Variants in KCNH2 observed in about 807,000 individuals in gnomAD.
KCNH2 encodes the protein voltage-gated inwardly rectifying potassium channel KCNH2.
In KCNH2, 35 loss-of-function variants were observed where a neutral mutation model predicts 95.9. The ratio of observed to expected loss-of-function variants is 0.37; its 90% confidence interval spans 0.28 to 0.48. The LOEUF (loss-of-function observed/expected upper bound fraction) is 0.48, where lower values mean the gene tolerates loss of function less well. Among genes scored for constraint, KCNH2 ranks in the 20% least tolerant of loss-of-function variants. KCNH2 has a pLI of 0.99. For missense variants in KCNH2, 1,274 were observed against 1,702.9 expected (o/e 0.75, Z 4.43); for synonymous variants, 786 against 754.7 (o/e 1.04, Z -0.68).
Position 150,951,853 on chromosome 7 carries a change from G to T in KCNH2, c.1558-18C>A, listed in dbSNP as rs760047606. ...CCGATCAGCTGGGGGACAGGGAAGG[G>T]GCACATTCCGTTGATGGGGCAAGGG... On this transcript the variant is annotated intron_variant, in intron 6 of 14. Transcript: ENST00000262186. The T allele has an allele frequency of 2.4e-5, 38 of 1,554,332 alleles. No individual in the cohort carries two copies. In the African/African-American group the frequency reaches 4.6e-4, roughly 19 times the overall value.
chr7:150,960,318 T>C (rs1014356855), intron 2 of KCNH2, among the ~76,000 whole-genome samples: 1 of 152,276 alleles, frequency 6.6e-6, no homozygotes, highest in African/African-American at 2.4e-5. Flanking sequence ...GACACAATAA[T>C]TGTACATATT....
At position 150,957,440 on chromosome 7, in the gene KCNH2, A is replaced by G. The variant is rs776431167; in HGVS notation, c.979T>C (p.Tyr327His). The change falls in exon 5 of 15, where the codon TAC (tyrosine) becomes CAC (histidine). Residue 327 changes from tyrosine to histidine, a missense_variant. By Grantham distance (83) the Tyr-to-His change is moderately conservative. Coordinates refer to ENST00000262186, the MANE Select transcript of KCNH2 (RefSeq NM_000238.4). ...NSTSDSDLVRYRTISKIPQIT... is the reference protein window; with the variant it reads ...NSTSDSDLVRHRTISKIPQIT... The stretch of plus-strand genomic sequence containing the variant: ...TGGGGAATCTTGCTAATGGTGCGGT[A>G]GCGCACGAGGTCGGAGTCCGAGGTG... 10 of 1,614,210 alleles carry G rather than the reference A, an allele frequency of 6.2e-6. No homozygotes were observed. The highest frequency in any genetic ancestry group is 3.3e-4 in the Middle Eastern group (2 of 6,052).
At position 150,977,946 on chromosome 7, in the gene KCNH2, AC is replaced by A; in HGVS notation, c.-34del. On this transcript the variant is annotated 5_prime_UTR_variant, in exon 1 of 15. Coordinates refer to ENST00000262186, the MANE Select transcript of KCNH2 (RefSeq NM_000238.4). ...CCATGGGCGGGCCGGGCGGGCCCCC[AC>A]CCACCCCGGCCCGGCCCGGCCCAGC... 1 of 1,465,934 alleles carries A rather than the reference AC, an allele frequency of 6.8e-7. No individual in the cohort carries two copies. The highest frequency in any genetic ancestry group is 9.2e-7 in the Non-Finnish European group (1 of 1,082,916). The allele number at this position is 1,465,934 out of a possible 1,614,324, so 90.8% of individuals were successfully genotyped here.
Position 150,957,340 on chromosome 7 carries a change from G to T in KCNH2, c.1079C>A (p.Ala360Glu). 1 of 1,609,956 alleles carries T rather than the reference G, an allele frequency of 6.2e-7. No homozygotes were observed. The highest frequency in any genetic ancestry group is 8.5e-7 in the Non-Finnish European group (1 of 1,178,116). Reference sequence around the variant, plus strand: ...GTGGGTTCGCTCCTTTATCTTAGGTGCTATGATCTCACGGTCACTGGTGGG... The same window carrying T: ...GTGGGTTCGCTCCTTTATCTTAGGTTCTATGATCTCACGGTCACTGGTGGG... ...ASPTSDREII[A>E]PKIKERTHNV... The change falls in exon 5 of 15, where the codon GCA (alanine) becomes GAA (glutamate). Residue 360 changes from alanine to glutamate, a missense_variant. This residue lies in a region of KCNH2 where 392 missense variants were observed against 429.9 expected (regional missense o/e 0.91). Transcript: ENST00000262186.
At position 150,957,398 on chromosome 7, in the gene KCNH2, C is replaced by T; in HGVS notation, c.1021G>A (p.Val341Met). ...AAGAAGGGGTCGCCCTTGAGGTCCA[C>T]AAAGTTGAGGGTGATTTGGGGAATC... The part of the protein sequence containing the change: ...SKIPQITLNF[V>M]DLKGDPFLAS... Residue 341 changes from valine (V) to methionine (M), a missense_variant, in exon 5 of 15, where the codon GTG becomes ATG. This residue lies in a region of KCNH2 where 392 missense variants were observed against 429.9 expected (regional missense o/e 0.91). Coordinates refer to ENST00000262186, the MANE Select transcript of KCNH2 (RefSeq NM_000238.4). The T allele has an allele frequency of 6.2e-7, 1 of 1,614,230 alleles. No homozygotes were observed. Among genetic ancestry groups the T allele is most frequent in the Non-Finnish European group, 8.5e-7 (1 of 1,180,032 alleles).
rs750281789 is a variant in KCNH2, at chr7:150,950,158, C to A, written c.2398+10G>T. ...CATTTCCAGTCCAGTGCCCGCCCCCCACCCCATACCCAGGATGGCCACGAC... is the reference window on the plus strand; with the variant it reads ...CATTTCCAGTCCAGTGCCCGCCCCCAACCCCATACCCAGGATGGCCACGAC... On this transcript the variant is annotated intron_variant, in intron 9 of 14. Coordinates refer to ENST00000262186, the MANE Select transcript of KCNH2 (RefSeq NM_000238.4). The A allele has an allele frequency of 6.2e-6, 5 of 807,236 alleles. No individual in the cohort carries two copies. Among genetic ancestry groups the A allele is most frequent in the African/African-American group, 5.4e-5 (3 of 55,900 alleles). 50.0% of individuals were successfully genotyped at this position (807,236 alleles called of 1,614,324 possible).
At chr7:150,966,375 G>GCC (rs1267276287) in intron 2 of KCNH2, among the ~76,000 whole-genome samples, 6 of 40,040 alleles carry the variant, frequency 1.5e-4, no homozygotes, top group African/African-American at 8.1e-4. Context: ...TCATTGATTT[G>GCC]CCCCCTCCCC....
chr7:150,957,155 C>T, intron 5 of KCNH2, 136 bp downstream of exon 5: 2 of 755,044 alleles, frequency 2.6e-6, no homozygotes, highest in Non-Finnish European at 4.6e-6. Flanking sequence ...TTGCCAACCC[C>T]AACCCTCAGG....
chr7:150,954,100 G>T (rs1801281389), intron 5 of KCNH2, among the ~76,000 whole-genome samples: 1 of 152,218 alleles, frequency 6.6e-6, no homozygotes, highest in African/African-American at 2.4e-5. Context: ...AGGGCCTCCA[G>T]CGGTACCAGA....
At chr7:150,976,923 G>A (rs1322068338) in intron 1 of KCNH2, among the ~76,000 whole-genome samples, 3 of 151,912 alleles carry the variant, frequency 2.0e-5, no homozygotes, top group Non-Finnish European at 4.4e-5. Flanking sequence ...TTACAAGCAC[G>A]CGTTGTCCTG....
At chr7:150,971,021 G>A (rs1339187834) in intron 2 of KCNH2, among the ~76,000 whole-genome samples, 1 of 152,210 alleles carries the variant, frequency 6.6e-6, no homozygotes, top group Non-Finnish European at 1.5e-5. Flanking sequence ...TGTCTGAGCT[G>A]GGGAGGGGTC....
intron 2 of KCNH2, among the ~76,000 whole-genome samples, chr7:150,966,395 ACACAC>A (rs1371241258): frequency 3.2e-5 from 1 of 31,432 alleles, no homozygotes; most frequent in Admixed American, 4.3e-4. Context: ...CCCCCCCCAC[ACACAC>A]ACACACACAG....
In KCNH2 at chr7:150,948,511, C is replaced by T. The variant is rs147980211; in HGVS notation, c.2625G>A (p.Thr875=). 7.4e-6 allele frequency: 12 copies of T among 1,613,592 alleles called. No homozygotes were observed. Among genetic ancestry groups the T allele is most frequent in the Middle Eastern group, 3.3e-4 (2 of 6,082 alleles). ...TNMIPGSPGS[T]ELEGGFSRQR... ...GCCGACTGAAGCCACCCTCTAACTC[C>T]GTACTGCCGGGGGAGCCCGGGATCA... The change falls in exon 11 of 15, where the codon ACG becomes ACA. Residue 875 remains threonine (T), a synonymous_variant. Transcript: ENST00000262186.
intron 5 of KCNH2, chr7:150,955,576 G>A (rs1801343444): frequency 6.8e-7 from 1 of 1,478,428 alleles, no homozygotes; most frequent in Non-Finnish European, 9.0e-7. Flanking sequence ...CTGCACCCCA[G>A]CAGCAGTCCC....
chr7:150,949,895 G>A (rs1024136240), intron 9 of KCNH2: 1 of 1,439,458 alleles, frequency 6.9e-7, no homozygotes, highest in African/African-American at 1.4e-5. Flanking sequence ...ATCTAGATTT[G>A]ATCCTACTTT....
intron 2 of KCNH2, among the ~76,000 whole-genome samples, chr7:150,964,684 G>A (rs912361616): frequency 3.9e-5 from 6 of 152,214 alleles, no homozygotes; most frequent in South Asian, 2.1e-4. Flanking sequence ...AGCCATCCTC[G>A]CCCTAGTCGC....
In KCNH2 at chr7:150,957,303, C is replaced by A; in HGVS notation, c.1116G>T (p.Glu372Asp). ...GCTGGGCGCCTACCTGGGTGACCTT[C>A]TCAGTGACATTGTGGGTTCGCTCCT... ...KIKERTHNVT[E>D]KVTQVLSLGA... The change falls in exon 5 of 15, where the codon GAG (glutamate) becomes GAT (aspartate). Residue 372 changes from glutamate (E) to aspartate (D), a missense_variant. Coordinates refer to ENST00000262186, the MANE Select transcript of KCNH2 (RefSeq NM_000238.4). 1 of 1,579,360 alleles carries A rather than the reference C, an allele frequency of 6.3e-7. No individual in the cohort carries two copies. The highest frequency in any genetic ancestry group is 8.6e-7 in the Non-Finnish European group (1 of 1,162,476).
At position 150,945,471 on chromosome 7, in the gene KCNH2, G is replaced by C; in HGVS notation, c.3374C>G (p.Pro1125Arg). The C allele has an allele frequency of 6.4e-7, 1 of 1,557,972 alleles. No homozygotes were observed. Among genetic ancestry groups the C allele is most frequent in the Non-Finnish European group, 8.7e-7 (1 of 1,151,416 alleles). ...TGTGGGGCCTTCTTGGGGAAGCTCT[G>C]GGGCCCCCGGGGGCAGCTCCTCACA... ...MACEELPPGA[P>R]ELPQEGPTRR... Residue 1125 changes from proline (P) to arginine (R), a missense_variant, in exon 15 of 15, where the codon CCA becomes CGA. Around this residue, in one of 7 missense-constraint regions of KCNH2, gnomAD observed 457 missense variants for 416.1 expected, o/e 1.10. Coordinates refer to ENST00000262186, the MANE Select transcript of KCNH2 (RefSeq NM_000238.4). This position sits in a 1 kb window ranked among gnomAD's most constrained non-coding sequence, Gnocchi z 5.6.
intron 2 of KCNH2, among the ~76,000 whole-genome samples, chr7:150,969,747 G>A (rs545315526): frequency 6.6e-6 from 1 of 152,306 alleles, no homozygotes; most frequent in South Asian, 2.1e-4. Flanking sequence ...GCCTGGTGGC[G>A]GGGAGAGGGA....
Sources: allele counts gnomAD v4.1 joint callset (sites outside exome capture counted in the v4.1 genomes callset), GRCh38; gene constraint gnomAD v4.1.1; regional missense constraint gnomAD v4.1.1; non-coding constraint Gnocchi (gnomAD v3.1); transcripts MANE v1.5; gene names NCBI Gene and HGNC (gene_info 2026-07-23, HGNC 2026-07-21).